Variants in AUTS2 observed in about 807,000 individuals in gnomAD.
AUTS2 encodes the protein activator of transcription and developmental regulator AUTS2, also known as autism susceptibility gene 2 protein.
In AUTS2, 17 loss-of-function variants were observed where a neutral mutation model predicts 112.4. The ratio of observed to expected loss-of-function variants is 0.15; its 90% CI spans 0.10 to 0.23. The LOEUF (loss-of-function observed/expected upper bound fraction) is 0.23. AUTS2 is among the 10% of genes least tolerant of loss of function. AUTS2 has a pLI of 1.00. For synonymous variants in AUTS2, 751 were observed against 702.7 expected (o/e 1.07, Z -1.09); for missense variants, 1,510 against 1,701.6 (o/e 0.89, Z 1.98).
At chr7:70,193,767 GT>G (rs1469932098) in intron 4 of AUTS2, among the ~76,000 whole-genome samples, 1 of 152,190 alleles carries the variant, frequency 6.6e-6, no homozygotes, top group Non-Finnish European at 1.5e-5. Context: ...GCTCCTGACT[GT>G]TTCAGATAGG....
At chr7:69,861,813 A>G (rs1584354776) in intron 1 of AUTS2, among the ~76,000 whole-genome samples, 1 of 152,096 alleles carries the variant, frequency 6.6e-6, no homozygotes, top group Non-Finnish European at 1.5e-5. Flanking sequence ...AAGATAGGGG[A>G]TAGGTGACCA....
At chr7:69,822,514 A>G (rs1791044040) in intron 1 of AUTS2, among the ~76,000 whole-genome samples, 1 of 152,190 alleles carries the variant, frequency 6.6e-6, no homozygotes. Flanking sequence ...TTTTTGCTCT[A>G]GATTCTAGAC....
intron 5 of AUTS2, among the ~76,000 whole-genome samples, chr7:70,486,831 CTGGTGGTGGTGG>C (rs1203194951): frequency 1.3e-5 from 2 of 149,172 alleles, no homozygotes; most frequent in Non-Finnish European, 3.0e-5. Context: ...GGTGGTGGTG[CTGGTGGTGGTGG>C]TGGTAGTGGT....
chr7:70,058,824 T>G (rs1028327524), intron 2 of AUTS2, among the ~76,000 whole-genome samples: 1 of 152,130 alleles, frequency 6.6e-6, no homozygotes, highest in Non-Finnish European at 1.5e-5. Context: ...TAGAAGATTT[T>G]TACATAAAAT....
intron 1 of AUTS2, among the ~76,000 whole-genome samples, chr7:69,746,426 G>A (rs2129258156): frequency 6.6e-6 from 1 of 152,274 alleles, no homozygotes; most frequent in Middle Eastern, 3.4e-3. Flanking sequence ...GATACATTCT[G>A]TGGAGGGAAA....
rs373692480 is a variant in AUTS2 at position 69,968,795 on chromosome 7, A to G, written c.522+69297A>G. Among the ~76,000 whole-genome samples the G allele has an allele frequency of 5.9e-5, 9 of 152,082 alleles. No homozygotes were observed. The South Asian group carries it at 1.9e-3, about 32-fold the overall frequency. On this transcript the variant is annotated intron_variant, in intron 2 of 18. Coordinates refer to ENST00000342771, the MANE Select transcript of AUTS2 (RefSeq NM_015570.4). ...TAAGCACATTAAATATGCCTCTTCC[A>G]TTCACCTAGTTTAAAAAAAAAGTTA...
intron 2 of AUTS2, among the ~76,000 whole-genome samples, chr7:69,949,944 C>T (rs971204786): frequency 6.6e-6 from 1 of 152,124 alleles, no homozygotes; most frequent in African/African-American, 2.4e-5. Context: ...TAATTATGAT[C>T]TTAACTCTGG....
At chr7:69,779,127 A>G (rs1311927424) in intron 1 of AUTS2, among the ~76,000 whole-genome samples, 1 of 150,342 alleles carries the variant, frequency 6.7e-6, no homozygotes, top group Non-Finnish European at 1.5e-5. Context: ...TCTTGGGCTC[A>G]AGTGATCCGT....
At chr7:70,136,347 C>CA (rs1230433148) in intron 4 of AUTS2, among the ~76,000 whole-genome samples, 4 of 152,164 alleles carry the variant, frequency 2.6e-5, no homozygotes, top group African/African-American at 7.2e-5. Flanking sequence ...TCAACTGTGA[C>CA]AAAAATGCCC....
At chr7:70,663,540 A>G (rs1455779954) in intron 5 of AUTS2, among the ~76,000 whole-genome samples, 27 of 151,574 alleles carry the variant, frequency 1.8e-4, no homozygotes, top group African/African-American at 7.3e-5. Flanking sequence ...CTCCCCTTAC[A>G]GTGTCTTAGG....
chr7:69,603,519 A>C (rs549664525), intron 1 of AUTS2, among the ~76,000 whole-genome samples: 1 of 152,298 alleles, frequency 6.6e-6, no homozygotes, highest in South Asian at 2.1e-4. Flanking sequence ...GACAAGTCTC[A>C]CATTTTATAG....
chr7:70,729,834 C>T (rs1217955470), intron 6 of AUTS2, among the ~76,000 whole-genome samples: 43 of 151,454 alleles, frequency 2.8e-4, no homozygotes, highest in Admixed American at 2.8e-3. Context: ...TGCTGAAGAT[C>T]ATGACACTGT....
chr7:69,612,181 G>C (rs2129080299), intron 1 of AUTS2, among the ~76,000 whole-genome samples: 1 of 152,246 alleles, frequency 6.6e-6, no homozygotes, highest in Non-Finnish European at 1.5e-5. Context: ...GATTAGGTCT[G>C]AGAAATGCTT....
chr7:69,917,215 A>T (rs1017656201), intron 2 of AUTS2, among the ~76,000 whole-genome samples: 1 of 150,152 alleles, frequency 6.7e-6, no homozygotes, highest in Non-Finnish European at 1.5e-5. Flanking sequence ...TTCTTTAGAG[A>T]TGGAGGACTC....
intron 1 of AUTS2, among the ~76,000 whole-genome samples, chr7:69,752,987 C>T (rs969732584): frequency 2.6e-5 from 4 of 152,150 alleles, no homozygotes; most frequent in East Asian, 1.9e-4. Context: ...TCCTGACCAA[C>T]GACTGTGTAC....
chr7:70,542,814 G>A (rs1429954207), intron 5 of AUTS2, among the ~76,000 whole-genome samples: 1 of 152,158 alleles, frequency 6.6e-6, no homozygotes, highest in Admixed American at 6.5e-5. Flanking sequence ...GACTTCTGGT[G>A]CCCCAAGCTG....
intron 1 of AUTS2, among the ~76,000 whole-genome samples, chr7:69,823,519 G>T (rs1271730436): frequency 6.6e-6 from 1 of 152,152 alleles, no homozygotes; most frequent in Non-Finnish European, 1.5e-5. Context: ...TGGACACATT[G>T]GTAGATCACC....
intron 1 of AUTS2, among the ~76,000 whole-genome samples, chr7:69,607,140 A>G (rs1792774329): frequency 6.6e-6 from 1 of 152,224 alleles, no homozygotes; most frequent in African/African-American, 2.4e-5. Context: ...CTAGACAAGT[A>G]CAGGCTTCTG....
chr7:69,737,961 G>A (rs966511222), intron 1 of AUTS2, among the ~76,000 whole-genome samples: 6 of 152,110 alleles, frequency 3.9e-5, no homozygotes, highest in African/African-American at 1.4e-4. Context: ...CTTGCACAGA[G>A]TTTGGGGATC....
Sources: allele counts gnomAD v4.1 joint callset (sites outside exome capture counted in the v4.1 genomes callset), GRCh38; gene constraint gnomAD v4.1.1; transcripts MANE v1.5; gene names NCBI Gene and HGNC (gene_info 2026-07-23, HGNC 2026-07-21).